Variants in RBPJL observed in about 807,000 individuals in gnomAD.
RBPJL encodes recombining binding protein suppressor of hairless-like protein.
A neutral mutation model predicts 57.6 loss-of-function variants in RBPJL; 50 were observed. That is an observed-to-expected ratio of 0.87 (90% CI 0.69 to 1.10). The LOEUF (loss-of-function observed/expected upper bound fraction) is 1.10, where lower values mean the gene tolerates loss of function less well. Ranked by LOEUF, RBPJL falls within the 50% of genes least tolerant of loss-of-function variation. The pLI, the probability that RBPJL is intolerant of heterozygous loss-of-function variation, is 0.00. For missense variants in RBPJL, 684 were observed against 693.7 expected (o/e 0.99, Z 0.16); for synonymous variants, 303 against 294.4 (o/e 1.03, Z -0.30).
chr20:45,311,166 T>C (rs1361367512), intron 3 of RBPJL, among the ~76,000 whole-genome samples: 1 of 118,858 alleles, frequency 8.4e-6, no homozygotes, highest in Admixed American at 8.2e-5. Flanking sequence ...AAGGAAGGAA[T>C]GAAAGAAAAA....
chr20:45,308,029 G>C (rs1033743035), intron 1 of RBPJL, 114 bp from the exon 2 acceptor site: 1 of 686,256 alleles, frequency 1.5e-6, no homozygotes, highest in African/African-American at 1.8e-5. Context: ...GGCTCGATTT[G>C]GAAAGGACCC....
At chr20:45,310,288 T>C (rs1987092786) in intron 3 of RBPJL, among the ~76,000 whole-genome samples, 1 of 151,960 alleles carries the variant, frequency 6.6e-6, no homozygotes, top group Non-Finnish European at 1.5e-5. Context: ...CAGGAGAATA[T>C]CTGGGGAAAG....
At chr20:45,313,927 C>T in intron 7 of RBPJL, 108 bp from the exon 8 acceptor site, 1 of 818,422 alleles carries the variant, frequency 1.2e-6, no homozygotes, top group Non-Finnish European at 2.0e-6. Context: ...AGCTTTCCCG[C>T]AGGGCCCATG....
chr20:45,316,873 G>T lies in RBPJL; in HGVS notation c.1468G>T (p.Glu490Ter), dbSNP rs148991457. 6.2e-7 allele frequency: 1 copy of T among 1,613,590 alleles called. No homozygotes were observed. Among genetic ancestry groups the T allele is most frequent in the Non-Finnish European group, 8.5e-7 (1 of 1,179,582 alleles). ...SVRPGHPGVP[E>*]PATDADALLE... is the part of the protein sequence containing the mutation. ...GCGGCCGGGTCACCCCGGCGTCCCCGAGCCCGCCACCGACGCCGACGCGCT... is the reference window on the plus strand; with the variant it reads ...GCGGCCGGGTCACCCCGGCGTCCCCTAGCCCGCCACCGACGCCGACGCGCT... Residue 490 changes from glutamate to a stop codon, truncating the protein, a stop_gained, in exon 12 of 12, where the codon GAG becomes TAG. Coordinates refer to ENST00000343694, the MANE Select transcript of RBPJL (RefSeq NM_014276.4). LOFTEE classifies it high-confidence loss of function.
intron 8 of RBPJL, 39 bp from the exon 9 acceptor site, chr20:45,314,374 C>G: frequency 1.3e-6 from 2 of 1,596,486 alleles, no homozygotes; most frequent in Non-Finnish European, 1.7e-6. Context: ...GACGCCCGGG[C>G]TCCTTGCCAC....
intron 9 of RBPJL, among the ~76,000 whole-genome samples, chr20:45,315,548 G>T (rs1267078537): frequency 6.6e-6 from 1 of 152,042 alleles, no homozygotes; most frequent in Non-Finnish European, 1.5e-5. Context: ...AGACCAGCCT[G>T]GCCAACATGG....
At chr20:45,311,809 C>T (rs1413650963) in intron 4 of RBPJL, 30 bp from the exon 5 acceptor site, 34 of 1,540,784 alleles carry the variant, frequency 2.2e-5, no homozygotes, top group Non-Finnish European at 2.9e-5. Flanking sequence ...CTCCCGAGTC[C>T]TTGCAGAGCC....
intron 9 of RBPJL, chr20:45,315,951 A>G: frequency 2.5e-6 from 1 of 397,602 alleles, no homozygotes; most frequent in Non-Finnish European, 4.4e-6. Context: ...AGGAAGGAAA[A>G]TAAAGAAAAA....
rs369580117 is a variant in RBPJL at position 45,312,404 on chromosome 20, G to T, written c.619+9G>T. 3 of 1,610,030 alleles carry T rather than the reference G, an allele frequency of 1.9e-6. No homozygotes were observed. Among genetic ancestry groups the T allele is most frequent in the Admixed American group, 1.7e-5 (1 of 59,840 alleles). ...GCTGAAAAACACCGATCGTGAGCAG[G>T]GCGGGGCCTGACCCCCGGCCCGGGC... is the stretch of plus-strand genomic sequence containing the variant. On this transcript the variant is annotated intron_variant, in intron 6 of 11. Coordinates refer to ENST00000343694, the MANE Select transcript of RBPJL (RefSeq NM_014276.4).
At chr20:45,312,566 C>T (rs909721429) in intron 6 of RBPJL, among the ~76,000 whole-genome samples, 171 bp downstream of exon 6, 1 of 151,788 alleles carries the variant, frequency 6.6e-6, no homozygotes, top group African/African-American at 2.4e-5. Flanking sequence ...GCGGCCCAGG[C>T]CTGGGGATGA....
At chr20:45,308,443 A>AG in intron 2 of RBPJL, 192 bp downstream of exon 2, 1 of 579,282 alleles carries the variant, frequency 1.7e-6, no homozygotes, top group Non-Finnish European at 3.1e-6. Flanking sequence ...TGCTCCTACC[A>AG]CGCTTGGAGC....
Position 45,317,564 on chromosome 20 carries a change from G to C in RBPJL, c.*605G>C, listed in dbSNP as rs924457384. ...GAATTCGGTCCCACCTGGGGCACCA[G>C]TTCCCACCTAGAGCACTGTGTCCTG... On this transcript the variant is annotated 3_prime_UTR_variant, in exon 12 of 12. Coordinates refer to ENST00000343694, the MANE Select transcript of RBPJL (RefSeq NM_014276.4). 1.3e-5 allele frequency: 2 copies of C among 152,660 alleles called. No individual in the cohort carries two copies. The highest frequency in any genetic ancestry group is 2.9e-5 in the Non-Finnish European group (2 of 68,454). The allele number at this position is 152,660 out of a possible 1,614,324, so 9.5% of individuals were successfully genotyped here.
intron 1 of RBPJL, 152 bp from the exon 2 acceptor site, chr20:45,307,991 A>T (rs1372236876): frequency 7.0e-6 from 4 of 572,056 alleles, no homozygotes; most frequent in African/African-American, 3.7e-5. Flanking sequence ...AAAAGGGATG[A>T]TCCTATTTTG....
At chr20:45,313,394 CT>C in intron 6 of RBPJL, 73 bp from the exon 7 acceptor site, 1 of 1,325,320 alleles carries the variant, frequency 7.5e-7, no homozygotes, top group Non-Finnish European at 1.0e-6. Flanking sequence ...AACCCCAATC[CT>C]AACCCTAACC....
Position 45,316,355 on chromosome 20 carries a change from G to A in RBPJL, c.1176+13G>A, listed in dbSNP as rs374526237. ...CAGCACCCTAGAGGTGAAGCCGGGC[G>A]CTAGGGGCGTTGGGCAGGGGGACCC... On this transcript the variant is annotated intron_variant, in intron 10 of 11. Transcript: ENST00000343694. 5.1e-5 allele frequency: 83 copies of A among 1,612,720 alleles called. No homozygotes were observed. The highest frequency in any genetic ancestry group is 6.4e-5 in the Non-Finnish European group (76 of 1,179,140).
intron 4 of RBPJL, 51 bp downstream of exon 4, chr20:45,311,710 C>A (rs753517923): frequency 1.9e-6 from 3 of 1,597,956 alleles, no homozygotes; most frequent in Non-Finnish European, 2.6e-6. Context: ...GGGAGGACCA[C>A]GAGATTGGGC....
Position 45,308,236 on chromosome 20 carries a change from C to T in RBPJL, c.116C>T (p.Pro39Leu), listed in dbSNP as rs200750997. Residue 39 changes from proline (P) to leucine (L), a missense_variant, in exon 2 of 12, where the codon CCG becomes CTG. Transcript: ENST00000343694. Reference sequence around the variant, plus strand: ...AGCGAAGCCGACAGGCGGAGCCTCCCGGGCACTTGGACCAGGTAACGGCGG... The same window carrying T: ...AGCGAAGCCGACAGGCGGAGCCTCCTGGGCACTTGGACCAGGTAACGGCGG... ...LQSEADRRSL[P>L]GTWTRSSPEH... The T allele has an allele frequency of 1.6e-5, 26 of 1,612,860 alleles. No individual in the cohort carries two copies. Among genetic ancestry groups the T allele is most frequent in the Middle Eastern group, 1.6e-4 (1 of 6,068 alleles).
At position 45,317,291 on chromosome 20, in the gene RBPJL, T is replaced by C; in HGVS notation, c.*332T>C. 1 of 349,700 alleles carries C rather than the reference T, an allele frequency of 2.9e-6. No individual in the cohort carries two copies. The highest frequency in any genetic ancestry group is 5.2e-6 in the Non-Finnish European group (1 of 193,500). 21.7% of individuals were successfully genotyped at this position (349,700 alleles called of 1,614,324 possible). ...GTCTACAGACCTATGTGCGTGTCCC[T>C]ATCCTTCTGTCCTTTTCTCTCTTCA... On this transcript the variant is annotated 3_prime_UTR_variant, in exon 12 of 12. Coordinates refer to ENST00000343694, the MANE Select transcript of RBPJL (RefSeq NM_014276.4).
intron 1 of RBPJL, among the ~76,000 whole-genome samples, chr20:45,307,910 A>T (rs568615863): frequency 6.6e-6 from 1 of 152,172 alleles, no homozygotes; most frequent in South Asian, 2.1e-4. Context: ...GCAAGGGAGG[A>T]GAGGCCTGTA....
Sources: gnomAD v4.1 joint callset for allele counts (sites outside exome capture counted in the v4.1 genomes callset) on GRCh38, gnomAD v4.1.1 for gene constraint, MANE v1.5 for transcripts, NCBI Gene and HGNC (gene_info 2026-07-23, HGNC 2026-07-21) for gene names.